Variants in CYSTM1 observed in about 807,000 individuals in gnomAD.
CYSTM1 encodes cysteine-rich transmembrane module-containing protein 1.
A neutral mutation model predicts 13.1 loss-of-function variants in CYSTM1; 4 were observed. The observed-to-expected ratio is 0.31, with a 90% CI of 0.15 to 0.70. The LOEUF (loss-of-function observed/expected upper bound fraction) is 0.70, where lower values mean the gene tolerates loss of function less well. Among genes scored for constraint, CYSTM1 ranks in the 30% least tolerant of loss-of-function variants. The probability of loss-of-function intolerance (pLI) is 0.72; values close to 1 mark genes in which losing one functional copy is unlikely to be tolerated. For synonymous variants in CYSTM1, 36 were observed against 42.7 expected (o/e 0.84, Z 0.62); for missense variants, 96 against 121.6 (o/e 0.79, Z 0.99).
At chr5:140,182,924 G>T (rs1041431355) in intron 1 of CYSTM1, among the ~76,000 whole-genome samples, 1 of 152,182 alleles carries the variant, frequency 6.6e-6, no homozygotes, top group Non-Finnish European at 1.5e-5. Flanking sequence ...GAGCCACCCC[G>T]CAGTGCTGAC....
At chr5:140,211,630 C>T (rs892850468) in intron 2 of CYSTM1, among the ~76,000 whole-genome samples, 2 of 152,202 alleles carry the variant, frequency 1.3e-5, no homozygotes, top group Non-Finnish European at 2.9e-5. Flanking sequence ...TCCCCTGGAA[C>T]CTCGTACAGC....
chr5:140,236,361 A>G (rs537337145), intron 2 of CYSTM1, among the ~76,000 whole-genome samples: 1 of 152,336 alleles, frequency 6.6e-6, no homozygotes, highest in South Asian at 2.1e-4. Flanking sequence ...GATGTTTTGC[A>G]AGACCAAGCT....
At chr5:140,215,145 A>G (rs1334511284) in intron 2 of CYSTM1, among the ~76,000 whole-genome samples, 1 of 152,312 alleles carries the variant, frequency 6.6e-6, no homozygotes, top group Non-Finnish European at 1.5e-5. Context: ...AAAGATTCTC[A>G]TAGATTTTCA....
chr5:140,225,262 A>G (rs1764535797), intron 2 of CYSTM1, among the ~76,000 whole-genome samples: 1 of 152,254 alleles, frequency 6.6e-6, no homozygotes, highest in Non-Finnish European at 1.5e-5. Context: ...CTGCCCATTC[A>G]GGATCAGTGG....
rs180986110 is a variant in CYSTM1, at chr5:140,226,743, G to A, written c.188-16562G>A. ...ATCGCACCCTTGTACTCCAGCCTGG[G>A]CAACAAGAGTGATACTCTGTCTCAA... On this transcript the variant is annotated intron_variant, in intron 2 of 2. Coordinates refer to ENST00000261811, the MANE Select transcript of CYSTM1 (RefSeq NM_032412.4). 2.4e-3 allele frequency among the ~76,000 whole-genome samples: 357 copies of A among 146,538 alleles called. 1 individual carries two copies. Among genetic ancestry groups the A allele is most frequent in the African/African-American group, 8.6e-3 (338 of 39,356 alleles).
chr5:140,209,874 T>C (rs1764342909), intron 2 of CYSTM1, among the ~76,000 whole-genome samples: 1 of 152,152 alleles, frequency 6.6e-6, no homozygotes, highest in Admixed American at 6.5e-5. Context: ...GCACTTTTTT[T>C]TTCCTTTCTC....
At chr5:140,193,306 C>T (rs559453092) in intron 1 of CYSTM1, among the ~76,000 whole-genome samples, 5 of 152,040 alleles carry the variant, frequency 3.3e-5, no homozygotes, top group South Asian at 2.1e-4. Context: ...GTTTTTGAGA[C>T]GGAGTCTCAC....
intron 2 of CYSTM1, among the ~76,000 whole-genome samples, chr5:140,222,555 C>T (rs1764503991): frequency 6.6e-6 from 1 of 152,390 alleles, no homozygotes; most frequent in East Asian, 1.9e-4. Context: ...ACTCAAACTA[C>T]TGCATAACTA....
chr5:140,193,433 C>T (rs1048316635), intron 1 of CYSTM1, among the ~76,000 whole-genome samples: 2 of 152,196 alleles, frequency 1.3e-5, no homozygotes, highest in Admixed American at 6.5e-5. Context: ...CAAGCACATG[C>T]CACCATGCCC....
intron 1 of CYSTM1, among the ~76,000 whole-genome samples, chr5:140,189,285 G>A (rs1292914519): frequency 1.3e-5 from 2 of 152,084 alleles, no homozygotes; most frequent in Non-Finnish European, 2.9e-5. Context: ...TTAGTCAAGT[G>A]AGATCTGGTT....
At chr5:140,191,698 G>C (rs1764097670) in intron 1 of CYSTM1, among the ~76,000 whole-genome samples, 1 of 152,174 alleles carries the variant, frequency 6.6e-6, no homozygotes, top group Non-Finnish European at 1.5e-5. Flanking sequence ...TTGTTGAACT[G>C]ATCAGGTTAA....
intron 2 of CYSTM1, among the ~76,000 whole-genome samples, chr5:140,234,026 C>T (rs1274636662): frequency 6.6e-6 from 1 of 152,094 alleles, no homozygotes; most frequent in Non-Finnish European, 1.5e-5. Flanking sequence ...AGTCTAAGGA[C>T]TCTTTGTCTA....
intron 2 of CYSTM1, chr5:140,200,255 T>A (rs939352308): frequency 6.6e-6 from 1 of 152,232 alleles, no homozygotes; most frequent in Non-Finnish European, 1.5e-5. Flanking sequence ...TGGTTTTAGG[T>A]CTTACGTTTA....
At chr5:140,189,532 A>G (rs1025095358) in intron 1 of CYSTM1, among the ~76,000 whole-genome samples, 6 of 152,250 alleles carry the variant, frequency 3.9e-5, no homozygotes, top group Non-Finnish European at 8.8e-5. Flanking sequence ...AAACAGACTA[A>G]GTAGAGTATT....
chr5:140,188,974 C>G (rs943659292), intron 1 of CYSTM1, among the ~76,000 whole-genome samples: 1 of 152,194 alleles, frequency 6.6e-6, no homozygotes, highest in Non-Finnish European at 1.5e-5. Context: ...TGACTCAGCT[C>G]AAGATACAGA....
At chr5:140,211,723 G>C (rs561482144) in intron 2 of CYSTM1, among the ~76,000 whole-genome samples, 1 of 152,280 alleles carries the variant, frequency 6.6e-6, no homozygotes, top group South Asian at 2.1e-4. Flanking sequence ...AAGGTGGGTG[G>C]ATCACTTCAG....
In CYSTM1 at chr5:140,205,187, C is replaced by T. The variant is rs149962338; in HGVS notation, c.187+10535C>T. ...TTCAGGGGTACCCTTTTGGGCCCAC[C>T]GGGCCATTGGCCAGCCAGCAGAATG... On this transcript the variant is annotated intron_variant, in intron 2 of 2. Transcript: ENST00000261811. Among the ~76,000 whole-genome samples, 6 of 152,216 alleles carry T rather than the reference C, an allele frequency of 3.9e-5. 1 individual carries two copies. Among genetic ancestry groups the T allele is most frequent in the East Asian group, 1.9e-4 (1 of 5,170 alleles).
intron 2 of CYSTM1, among the ~76,000 whole-genome samples, chr5:140,232,337 T>C (rs1027726685): frequency 1.3e-5 from 2 of 152,178 alleles, no homozygotes; most frequent in African/African-American, 2.4e-5. Flanking sequence ...AGCCTTGGCA[T>C]GTTGATGATC....
intron 2 of CYSTM1, among the ~76,000 whole-genome samples, chr5:140,242,968 A>C (rs1581076713): frequency 6.6e-6 from 1 of 152,158 alleles, no homozygotes; most frequent in South Asian, 2.1e-4. Context: ...AATGACCCCC[A>C]GTTCCCCTCC....
Sources: allele counts gnomAD v4.1 joint callset (sites outside exome capture counted in the v4.1 genomes callset), GRCh38; gene constraint gnomAD v4.1.1; transcripts MANE v1.5; gene names NCBI Gene and HGNC (gene_info 2026-07-23, HGNC 2026-07-21).